Variants in BTRC observed in about 807,000 individuals in gnomAD.
The protein encoded by BTRC is beta-transducin repeat containing E3 ubiquitin protein ligase.
A neutral mutation model predicts 85.5 loss-of-function variants in BTRC; 42 were observed. The observed-to-expected ratio is 0.49, with a 90% CI of 0.38 to 0.64. The LOEUF is 0.64. Ranked by LOEUF, BTRC falls within the 30% of genes least tolerant of loss-of-function variation. BTRC has a pLI of 0.00. For synonymous variants in BTRC, 255 were observed against 263.3 expected (o/e 0.97, Z 0.30); for missense variants, 594 against 743.5 (o/e 0.80, Z 2.34).
intron 1 of BTRC, among the ~76,000 whole-genome samples, chr10:101,387,528 C>CCTTTTTTTTTTTTTTTTTTT (rs1399986557): frequency 4.4e-5 from 2 of 45,122 alleles, no homozygotes; most frequent in East Asian, 1.3e-3. Context: ...CTTCATGGGA[C>CCTTTTTTTTTTTTTTTTTTT]TTTTTTTTTT....
At chr10:101,522,918 C>G (rs1157207238) in intron 5 of BTRC, among the ~76,000 whole-genome samples, 2 of 152,056 alleles carry the variant, frequency 1.3e-5, no homozygotes, top group African/African-American at 4.8e-5. Flanking sequence ...TTAAATTCTA[C>G]AGATGGGTTG....
intron 13 of BTRC, among the ~76,000 whole-genome samples, chr10:101,541,426 A>AT (rs376476120): frequency 6.6e-6 from 1 of 151,872 alleles, no homozygotes; most frequent in African/African-American, 2.4e-5. Flanking sequence ...TGCCCGGCTG[A>AT]TTTTTTGTAT....
intron 7 of BTRC, among the ~76,000 whole-genome samples, chr10:101,531,865 TAGC>T (rs1397955751): frequency 1.3e-5 from 2 of 152,226 alleles, no homozygotes; most frequent in Admixed American, 1.3e-4. Context: ...CCTTCATACA[TAGC>T]AGTGTGACTG....
chr10:101,508,142 T>G (rs1946590104), intron 4 of BTRC, among the ~76,000 whole-genome samples: 1 of 152,228 alleles, frequency 6.6e-6, no homozygotes, highest in Non-Finnish European at 1.5e-5. Flanking sequence ...ACTGCTTTGT[T>G]CTGAATTTGA....
intron 1 of BTRC, among the ~76,000 whole-genome samples, chr10:101,364,338 T>C (rs1277135706): frequency 6.6e-6 from 1 of 152,172 alleles, no homozygotes; most frequent in African/African-American, 2.4e-5. Flanking sequence ...TCCACAGTGA[T>C]GCCCTGAAAA....
chr10:101,549,507 G>A (rs943571048), intron 13 of BTRC, among the ~76,000 whole-genome samples: 1 of 151,384 alleles, frequency 6.6e-6, no homozygotes, highest in East Asian at 1.9e-4. Context: ...GAGGTCAGGA[G>A]ATCAAGACCA....
intron 1 of BTRC, among the ~76,000 whole-genome samples, chr10:101,384,224 T>C (rs1439062149): frequency 2.0e-5 from 3 of 152,232 alleles, no homozygotes; most frequent in African/African-American, 7.2e-5. Context: ...AGAGATTATT[T>C]TCACTTTTAC....
At chr10:101,426,614 T>G (rs1272238609) in intron 1 of BTRC, among the ~76,000 whole-genome samples, 1 of 152,200 alleles carries the variant, frequency 6.6e-6, no homozygotes, top group Non-Finnish European at 1.5e-5. Flanking sequence ...AACGAGTAAG[T>G]AAACTCAGAT....
chr10:101,439,706 C>T (rs903477570), intron 2 of BTRC, among the ~76,000 whole-genome samples: 1 of 152,128 alleles, frequency 6.6e-6, no homozygotes, highest in African/African-American at 2.4e-5. Context: ...GCCAAACAAA[C>T]TTAACACTAG....
At chr10:101,452,938 T>A (rs1944986053) in intron 2 of BTRC, among the ~76,000 whole-genome samples, 1 of 152,186 alleles carries the variant, frequency 6.6e-6, no homozygotes, top group Admixed American at 6.5e-5. Context: ...CTTCTGAACT[T>A]AAATGACCTA....
intron 8 of BTRC, among the ~76,000 whole-genome samples, chr10:101,532,703 T>C (rs1292791672): frequency 1.3e-5 from 2 of 151,982 alleles, no homozygotes; most frequent in African/African-American, 4.8e-5. Flanking sequence ...TAGACTACCC[T>C]GTTCCTTAAT....
At chr10:101,511,588 A>G (rs1341886651) in intron 4 of BTRC, among the ~76,000 whole-genome samples, 2 of 151,794 alleles carry the variant, frequency 1.3e-5, no homozygotes, top group Admixed American at 6.6e-5. Flanking sequence ...ACAGAGTCTC[A>G]CTCTGTTGCC....
At chr10:101,374,242 A>G (rs1249571484) in intron 1 of BTRC, among the ~76,000 whole-genome samples, 6 of 152,126 alleles carry the variant, frequency 3.9e-5, no homozygotes, top group East Asian at 3.9e-4. Flanking sequence ...CTGACTTTTT[A>G]ATGATTGCCA....
intron 4 of BTRC, among the ~76,000 whole-genome samples, chr10:101,501,507 T>C (rs1027428138): frequency 4.6e-5 from 7 of 152,210 alleles, no homozygotes; most frequent in Admixed American, 2.0e-4. Context: ...AAAACATTTA[T>C]GTCAACTATA....
intron 13 of BTRC, among the ~76,000 whole-genome samples, chr10:101,543,464 G>GTTTTTTTTTTTTTTTT (rs527259189): frequency 7.7e-6 from 1 of 130,532 alleles, no homozygotes. Flanking sequence ...GTTTTTTTTT[G>GTTTTTTTTTTTTTTTT]TTTTTTTTTT....
intron 4 of BTRC, among the ~76,000 whole-genome samples, chr10:101,497,094 G>C (rs906889649): frequency 6.6e-6 from 1 of 152,118 alleles, no homozygotes; most frequent in African/African-American, 2.4e-5. Flanking sequence ...TATATGATGC[G>C]TGGTAGAGGT....
intron 12 of BTRC, among the ~76,000 whole-genome samples, chr10:101,537,084 A>C (rs1456272080): frequency 6.6e-6 from 1 of 152,210 alleles, no homozygotes; most frequent in African/African-American, 2.4e-5. Flanking sequence ...GTAATTTTTA[A>C]GAGTACAGTT....
At chr10:101,369,946 G>T (rs1942585115) in intron 1 of BTRC, among the ~76,000 whole-genome samples, 1 of 152,040 alleles carries the variant, frequency 6.6e-6, no homozygotes, top group African/African-American at 2.4e-5. Flanking sequence ...TGCCGTCCTT[G>T]ACTTACTTAG....
intron 2 of BTRC, among the ~76,000 whole-genome samples, chr10:101,441,746 T>TA (rs1456664418): frequency 6.6e-6 from 1 of 152,000 alleles, no homozygotes; most frequent in Non-Finnish European, 1.5e-5. Flanking sequence ...CCAGGCGTGG[T>TA]AGTACATGCC....
Sources: gnomAD v4.1 joint callset for allele counts (sites outside exome capture counted in the v4.1 genomes callset) on GRCh38, gnomAD v4.1.1 for gene constraint, MANE v1.5 for transcripts, NCBI Gene and HGNC (gene_info 2026-07-23, HGNC 2026-07-21) for gene names.